Variants in SNX29 observed in about 807,000 individuals in gnomAD.
The protein encoded by SNX29 is sorting nexin-29.
Under a neutral mutation model 102.1 loss-of-function variants are expected in SNX29, and 78 were observed. The ratio of observed to expected loss-of-function variants is 0.76; its 90% CI spans 0.64 to 0.92. The LOEUF (loss-of-function observed/expected upper bound fraction) is 0.92, where lower values mean the gene tolerates loss of function less well. Ranked by LOEUF, SNX29 falls within the 40% of genes least tolerant of loss-of-function variation. The probability of loss-of-function intolerance (pLI) is 0.00; values close to 1 mark genes in which losing one functional copy is unlikely to be tolerated. For missense variants in SNX29, 1,280 were observed against 1,061.7 expected (o/e 1.21, Z -2.86); for synonymous variants, 580 against 414.5 (o/e 1.40, Z -4.85).
intron 20 of SNX29, among the ~76,000 whole-genome samples, chr16:12,531,898 CCT>C (rs2141178427): frequency 6.6e-6 from 1 of 152,326 alleles, no homozygotes; most frequent in Admixed American, 6.5e-5. Flanking sequence ...TGTCTTCTCC[CCT>C]CTCACGTCAC....
At chr16:12,030,093 C>T (rs1290766383) in intron 4 of SNX29, among the ~76,000 whole-genome samples, 2 of 152,216 alleles carry the variant, frequency 1.3e-5, no homozygotes, top group African/African-American at 2.4e-5. Context: ...ACTGCCTTCC[C>T]TTGCTTTCTG....
At chr16:11,984,965 C>A (rs2055556055) in intron 1 of SNX29, among the ~76,000 whole-genome samples, 2 of 152,022 alleles carry the variant, frequency 1.3e-5, no homozygotes, top group South Asian at 4.2e-4. Flanking sequence ...TTCCTTCTTT[C>A]TTTTTTGTTT....
intron 18 of SNX29, among the ~76,000 whole-genome samples, chr16:12,446,047 CTTTTTTTTTTT>C (rs60889973): frequency 1.0e-5 from 1 of 98,592 alleles, no homozygotes; most frequent in African/African-American, 4.3e-5. Flanking sequence ...GCTTCTCATT[CTTTTTTTTTTT>C]TTTTTTTTTT....
In SNX29 at chr16:12,046,402, G is replaced by C. The variant is rs1432795386; in HGVS notation, c.447G>C (p.Trp149Cys). The C allele has an allele frequency of 1.2e-6, 2 of 1,613,672 alleles. No homozygotes were observed. The highest frequency in any genetic ancestry group is 1.3e-5 in the African/African-American group (1 of 74,926). ...RCRLSTFYED[W>C]SFVMDEERSS... Reference sequence around the variant, plus strand: ...TCTGCAGCACTTTTTATGAAGACTGGTCTTTTGTGATGGATGAAGAAAGGT... The same window carrying C: ...TCTGCAGCACTTTTTATGAAGACTGCTCTTTTGTGATGGATGAAGAAAGGT... Residue 149 changes from tryptophan (W) to cysteine (C), a missense_variant, in exon 6 of 21, where the codon TGG (tryptophan) becomes TGC (cysteine). Coordinates refer to ENST00000566228, the MANE Select transcript of SNX29 (RefSeq NM_032167.5).
At chr16:12,331,975 G>T (rs767439764) in intron 15 of SNX29, among the ~76,000 whole-genome samples, 1 of 152,078 alleles carries the variant, frequency 6.6e-6, no homozygotes, top group Non-Finnish European at 1.5e-5. Context: ...CAGGAGGATC[G>T]CTTGAACCTA....
intron 14 of SNX29, among the ~76,000 whole-genome samples, chr16:12,233,030 G>C (rs1483336406): frequency 6.6e-6 from 1 of 152,164 alleles, no homozygotes; most frequent in East Asian, 1.9e-4. Flanking sequence ...CACAGTTCTG[G>C]ATGAGAGATG....
intron 13 of SNX29, among the ~76,000 whole-genome samples, chr16:12,167,135 G>A (rs1257764764): frequency 6.6e-6 from 1 of 152,148 alleles, no homozygotes; most frequent in Non-Finnish European, 1.5e-5. Flanking sequence ...CGAGTATATT[G>A]CCTTCCTGGC....
rs556672705 is a variant in SNX29 at position 12,568,589 on chromosome 16, G to T, written c.2402G>T (p.Arg801Leu). The change falls in exon 21 of 21, where the codon CGG (arginine) becomes CTG (leucine). Residue 801 changes from arginine (R) to leucine (L), a missense_variant. Arg to Leu is a moderately radical substitution (Grantham distance 102, BLOSUM62 -2). Transcript: ENST00000566228. The part of the protein sequence containing the change: ...RFPKLSRGQP[R>L]ETRNVEPQSG... ...CCCAAACTGTCCCGGGGTCAGCCCC[G>T]GGAGACCCGCAACGTGGAGCCCCAG... 4 of 1,606,462 alleles carry T rather than the reference G, an allele frequency of 2.5e-6. No individual in the cohort carries two copies. Among genetic ancestry groups the T allele is most frequent in the Non-Finnish European group, 3.4e-6 (4 of 1,179,822 alleles).
intron 16 of SNX29, among the ~76,000 whole-genome samples, chr16:12,368,672 G>C (rs2151370362): frequency 6.6e-6 from 1 of 152,324 alleles, no homozygotes; most frequent in East Asian, 1.9e-4. Context: ...GATCCTGAAG[G>C]AATAGAAGCT....
At chr16:12,548,362 C>T (rs1262076437) in intron 20 of SNX29, among the ~76,000 whole-genome samples, 1 of 152,208 alleles carries the variant, frequency 6.6e-6, no homozygotes, top group African/African-American at 2.4e-5. Flanking sequence ...ACTCTGCACC[C>T]ACATGGAAGG....
intron 14 of SNX29, among the ~76,000 whole-genome samples, chr16:12,225,598 T>C (rs2077589236): frequency 6.6e-6 from 1 of 152,196 alleles, no homozygotes; most frequent in South Asian, 2.1e-4. Context: ...TTTTGTAAGT[T>C]GCCCAGTCTT....
chr16:12,110,321 C>T (rs1171251073), intron 11 of SNX29, among the ~76,000 whole-genome samples: 2 of 152,170 alleles, frequency 1.3e-5, no homozygotes, highest in Non-Finnish European at 2.9e-5. Flanking sequence ...ACGTCTCCTG[C>T]AGCCCAGCAT....
chr16:12,071,921 C>G (rs1468291957), intron 10 of SNX29, among the ~76,000 whole-genome samples: 2 of 152,132 alleles, frequency 1.3e-5, no homozygotes, highest in African/African-American at 4.8e-5. Flanking sequence ...GTATTTTATT[C>G]TCTTTGAAGC....
intron 11 of SNX29, among the ~76,000 whole-genome samples, chr16:12,119,296 C>G (rs1213715494): frequency 6.6e-6 from 1 of 152,120 alleles, no homozygotes; most frequent in Non-Finnish European, 1.5e-5. Context: ...GGGATGCCTG[C>G]CTTAAGGATT....
chr16:12,274,719 CA>C (rs1683158553), intron 14 of SNX29, among the ~76,000 whole-genome samples: 1 of 151,954 alleles, frequency 6.6e-6, no homozygotes, highest in Admixed American at 6.6e-5. Context: ...GTGGTTTTTG[CA>C]GAGGTGGGGC....
intron 16 of SNX29, among the ~76,000 whole-genome samples, chr16:12,360,070 C>G (rs143315115): frequency 6.6e-6 from 1 of 152,170 alleles, no homozygotes; most frequent in African/African-American, 2.4e-5. Context: ...GTGATCTGCC[C>G]GCCTCGGCCT....
intron 14 of SNX29, among the ~76,000 whole-genome samples, chr16:12,231,822 A>AT (rs1357839978): frequency 6.6e-6 from 1 of 152,242 alleles, no homozygotes; most frequent in African/African-American, 2.4e-5. Context: ...CCAGTAGGCA[A>AT]AAACCTAGCT....
At chr16:12,024,081 GAATGAGGAA>G (rs2057116528) in intron 3 of SNX29, among the ~76,000 whole-genome samples, 2 of 151,928 alleles carry the variant, frequency 1.3e-5, no homozygotes, top group South Asian at 4.2e-4. Context: ...AAGAAGCTCA[GAATGAGGAA>G]ACATTCAGGA....
chr16:12,131,696 T>C (rs534565513), intron 13 of SNX29, among the ~76,000 whole-genome samples: 2 of 152,220 alleles, frequency 1.3e-5, no homozygotes, highest in East Asian at 3.8e-4. Context: ...GACCACGAGA[T>C]AAACACGTCT....
Sources: gnomAD v4.1 joint callset for allele counts (sites outside exome capture counted in the v4.1 genomes callset) on GRCh38, gnomAD v4.1.1 for gene constraint, MANE v1.5 for transcripts, NCBI Gene and HGNC (gene_info 2026-07-23, HGNC 2026-07-21) for gene names.